Variants in UNC13C observed in about 807,000 individuals in gnomAD.
UNC13C encodes the protein protein unc-13 homolog C.
A neutral mutation model predicts 245.4 loss-of-function variants in UNC13C; 174 were observed. That is an observed-to-expected ratio of 0.71 (90% confidence interval 0.63 to 0.80). The LOEUF is 0.80. UNC13C is among the 30% of genes least tolerant of loss of function. The pLI, the probability that UNC13C is intolerant of heterozygous loss-of-function variation, is 0.00. For synonymous variants in UNC13C, 992 were observed against 895.1 expected, an observed-to-expected ratio of 1.11 and a Z score of -1.93; for missense variants, 2,829 against 2,602.9, an observed-to-expected ratio of 1.09 and a Z score of -1.89.
At chr15:54,363,097 C>T (rs892521192) in intron 17 of UNC13C, among the ~76,000 whole-genome samples, 1 of 152,162 alleles carries the variant, frequency 6.6e-6, no homozygotes, top group Non-Finnish European at 1.5e-5. Context: ...CTGAGCTAAT[C>T]ACAAGGTTTG....
At chr15:54,021,118 A>G (rs1895885595) in intron 2 of UNC13C, among the ~76,000 whole-genome samples, 1 of 152,208 alleles carries the variant, frequency 6.6e-6, no homozygotes, top group Non-Finnish European at 1.5e-5. Flanking sequence ...TTTGAGTTAC[A>G]TATACATTGT....
At chr15:54,384,716 GAA>G (rs1321880487) in intron 17 of UNC13C, among the ~76,000 whole-genome samples, 1 of 152,110 alleles carries the variant, frequency 6.6e-6, no homozygotes, top group Non-Finnish European at 1.5e-5. Context: ...TCAACAGAGT[GAA>G]GAGGCATCCT....
chr15:54,091,373 C>A (rs1388446465), intron 2 of UNC13C, among the ~76,000 whole-genome samples: 1 of 152,196 alleles, frequency 6.6e-6, no homozygotes, highest in African/African-American at 2.4e-5. Context: ...TTTATTCTCG[C>A]AGATGGATTT....
intron 14 of UNC13C, among the ~76,000 whole-genome samples, chr15:54,327,228 T>G (rs1332832312): frequency 1.3e-5 from 2 of 152,076 alleles, no homozygotes; most frequent in African/African-American, 2.4e-5. Flanking sequence ...ATTTTTGAGC[T>G]GTTTATTTAC....
rs540213732 is a variant in UNC13C, at chr15:54,425,272, T to C, written c.4933+10205T>C. 3.9e-5 allele frequency among the ~76,000 whole-genome samples: 6 copies of C among 151,932 alleles called. No homozygotes were observed. In the South Asian group the frequency reaches 1.2e-3, roughly 32 times the overall value. On this transcript the variant is annotated intron_variant, in intron 19 of 32. Coordinates refer to ENST00000260323, the MANE Select transcript of UNC13C (RefSeq NM_001080534.3). ...ACACCGTGACCCCAAATCACTGCTC[T>C]GGCTTATTGGAAAAATACGAAAGCA...
the UNC13C span, among the ~76,000 whole-genome samples, chr15:53,928,215 A>G: frequency 6.6e-6 from 1 of 152,214 alleles, no homozygotes; most frequent in Non-Finnish European, 1.5e-5. Flanking sequence ...CATATTTATT[A>G]ACAGCAAACC....
At chr15:54,431,801 T>A (rs570453837) in intron 19 of UNC13C, among the ~76,000 whole-genome samples, 41 of 151,782 alleles carry the variant, frequency 2.7e-4, no homozygotes, top group African/African-American at 9.6e-4. Flanking sequence ...TTCTTTAAGA[T>A]CATTTTAAAA....
intron 4 of UNC13C, among the ~76,000 whole-genome samples, chr15:54,185,349 C>T (rs2033941857): frequency 6.6e-6 from 1 of 151,832 alleles, no homozygotes; most frequent in South Asian, 2.1e-4. Context: ...CTTGCCCATG[C>T]CTATGTCCTG....
intron 19 of UNC13C, among the ~76,000 whole-genome samples, chr15:54,439,570 G>T (rs1046153308): frequency 1.3e-5 from 2 of 151,752 alleles, no homozygotes; most frequent in South Asian, 4.1e-4. Context: ...TTATATAATT[G>T]TAATAATAGC....
At chr15:54,419,827 CTCAAT>C (rs146915559) in intron 19 of UNC13C, among the ~76,000 whole-genome samples, 4,642 of 152,156 alleles carry the variant, frequency 0.031, 184 homozygotes, top group Admixed American at 0.12. Flanking sequence ...TTCTTGTTAA[CTCAAT>C]TCAGAGTCTG....
chr15:54,113,635 C>T (rs2029992490), intron 2 of UNC13C, among the ~76,000 whole-genome samples: 3 of 151,918 alleles, frequency 2.0e-5, no homozygotes, highest in Non-Finnish European at 4.4e-5. Context: ...GATCATCGTA[C>T]CTAATACTGT....
At chr15:54,547,402 G>A (rs1896533103) in intron 27 of UNC13C, among the ~76,000 whole-genome samples, 1 of 152,200 alleles carries the variant, frequency 6.6e-6, no homozygotes, top group Non-Finnish European at 1.5e-5. Flanking sequence ...CACTGGTCAA[G>A]TGGATACACA....
intron 4 of UNC13C, among the ~76,000 whole-genome samples, chr15:54,147,461 TGCC>T (rs2032315067): frequency 6.6e-6 from 1 of 152,076 alleles, no homozygotes; most frequent in Non-Finnish European, 1.5e-5. Context: ...CCTCGTGATC[TGCC>T]TGCCTCGGCC....
chr15:54,502,582 T>C (rs938520777), intron 22 of UNC13C, among the ~76,000 whole-genome samples: 1 of 152,146 alleles, frequency 6.6e-6, no homozygotes, highest in Non-Finnish European at 1.5e-5. Flanking sequence ...CTTTTCTTGA[T>C]GAGCAGCTGT....
chr15:54,622,199 T>A, intron 30 of UNC13C, 128 bp from the exon 31 acceptor site: 1 of 669,440 alleles, frequency 1.5e-6, no homozygotes, highest in Non-Finnish European at 2.7e-6. Context: ...CATCACCTAT[T>A]ACGCACTATT....
intron 2 of UNC13C, among the ~76,000 whole-genome samples, chr15:54,042,061 G>A (rs1469110361): frequency 6.6e-6 from 1 of 152,238 alleles, no homozygotes; most frequent in Admixed American, 6.5e-5. Flanking sequence ...GCACCAACAA[G>A]ATGCTGCGAT....
At chr15:53,901,906 T>C in the UNC13C span, among the ~76,000 whole-genome samples, 4 of 152,232 alleles carry the variant, frequency 2.6e-5, no homozygotes, top group East Asian at 1.9e-4. Flanking sequence ...AGCAGACCAC[T>C]TTTTTTATTT....
intron 24 of UNC13C, 45 bp downstream of exon 24, chr15:54,511,875 A>T (rs1232049020): frequency 1.2e-5 from 16 of 1,360,922 alleles, no homozygotes; most frequent in Non-Finnish European, 1.7e-5. Context: ...CTACTTAGAG[A>T]TTATTAGCAG....
In UNC13C at chr15:54,077,681, C is replaced by G. The variant is rs1898713167; in HGVS notation, c.2983+61795C>G. ...CCACCATGCCCGGCCAACTACTTCTCAAATTGGCACAAATAGATGCTGTTT... is the reference window on the plus strand; with the variant it reads ...CCACCATGCCCGGCCAACTACTTCTGAAATTGGCACAAATAGATGCTGTTT... On this transcript the variant is annotated intron_variant, in intron 2 of 32. Transcript: ENST00000260323. Among the ~76,000 whole-genome samples, 3 of 152,014 alleles carry G rather than the reference C, an allele frequency of 2.0e-5. No homozygotes were observed. In the South Asian group the frequency reaches 6.2e-4, roughly 32 times the overall value.
Sources: gnomAD v4.1 joint callset for allele counts (sites outside exome capture counted in the v4.1 genomes callset) on GRCh38, gnomAD v4.1.1 for gene constraint, MANE v1.5 for transcripts, NCBI Gene and HGNC (gene_info 2026-07-23, HGNC 2026-07-21) for gene names.